The following DMD variants were observed in gnomAD, a reference collection of about 807,000 sequenced individuals.
DMD encodes the protein mutant dystrophin.
Under a neutral mutation model 330.1 loss-of-function variants are expected in DMD, and 63 were observed. The ratio of observed to expected loss-of-function variants is 0.19; its 90% CI spans 0.16 to 0.24. DMD has a LOEUF of 0.24. Among genes scored for constraint, DMD ranks in the 10% least tolerant of loss-of-function variants. The pLI is 1.00. For synonymous variants in DMD, 1,223 were observed against 959.8 expected (o/e 1.27, Z -5.07); for missense variants, 3,344 against 2,684.1 (o/e 1.25, Z -5.43).
intron 2 of DMD, among the ~76,000 whole-genome samples, chrX:32,893,081 G>A (rs779197315): frequency 8.0e-5 from 9 of 112,221 alleles, no homozygotes; most frequent in Non-Finnish European, 1.3e-4. Flanking sequence ...ATCCCATGAC[G>A]TGATAGATCA....
chrX:31,700,234 T>G (rs1429450232), intron 52 of DMD, among the ~76,000 whole-genome samples: 1 of 111,726 alleles, frequency 9.0e-6, no homozygotes, highest in Non-Finnish European at 1.9e-5. Flanking sequence ...AGTGTATTAT[T>G]TAAGCAGTTT....
intron 4 of DMD, among the ~76,000 whole-genome samples, chrX:32,842,955 C>T (rs772310031): frequency 9.0e-5 from 10 of 111,046 alleles, no homozygotes; most frequent in South Asian, 7.7e-4. Flanking sequence ...TACAGGCATG[C>T]ACCAGCATAC....
At chrX:32,838,612 G>A (rs1255758442) in intron 4 of DMD, among the ~76,000 whole-genome samples, 4 of 111,815 alleles carry the variant, frequency 3.6e-5, no homozygotes, top group Non-Finnish European at 5.6e-5. Context: ...ATTCCATGGT[G>A]TATATGTACC....
intron 72 of DMD, among the ~76,000 whole-genome samples, chrX:31,173,185 C>T (rs1023304608): frequency 3.6e-5 from 4 of 111,259 alleles, no homozygotes; most frequent in African/African-American, 1.3e-4. Flanking sequence ...TCATATTCTC[C>T]ATATAATATA....
At chrX:33,080,744 T>G (rs1401392497) in intron 1 of DMD, among the ~76,000 whole-genome samples, 1 of 111,091 alleles carries the variant, frequency 9.0e-6, no homozygotes, top group African/African-American at 3.3e-5. Context: ...AGGAAACAGT[T>G]TGACCTTAAA....
chrX:32,561,402 T>A (rs977000110), intron 16 of DMD, among the ~76,000 whole-genome samples: 1 of 111,183 alleles, frequency 9.0e-6, no homozygotes, highest in Non-Finnish European at 1.9e-5. Context: ...GAGGAAAGAA[T>A]CTCAGAGCTT....
chrX:31,170,258 C>T (rs1006425459), intron 73 of DMD, among the ~76,000 whole-genome samples: 3 of 111,302 alleles, frequency 2.7e-5, no homozygotes, highest in Non-Finnish European at 3.8e-5. Flanking sequence ...TCTCATTCCT[C>T]GGGGCAGAGT....
At position 32,942,974 on chromosome X, in the gene DMD, A is replaced by G. The variant is rs72626062; in HGVS notation, c.93+77165T>C. Among the ~76,000 whole-genome samples the G allele has an allele frequency of 0.01, 1,144 of 111,925 alleles. 50 individuals are homozygous for G. The East Asian group carries it at 0.17, about 17-fold the overall frequency. ...TTAACATTTAAGGTCTTCATGTAAA[A>G]GAAAAATTAGTTAATAGAACAAATA... On this transcript the variant is annotated intron_variant, in intron 2 of 78. Transcript: ENST00000357033.
At chrX:31,303,262 AC>A (rs2054789480) in intron 62 of DMD, among the ~76,000 whole-genome samples, 1 of 111,814 alleles carries the variant, frequency 8.9e-6, no homozygotes, top group African/African-American at 3.2e-5. Context: ...CTAGCTATAT[AC>A]AAGTAATATG....
rs1303018572 is a variant in DMD at position 32,810,732 on chromosome X, A to G, written c.531-1121T>C. On this transcript the variant is annotated intron_variant, in intron 6 of 78. Coordinates refer to ENST00000357033, the MANE Select transcript of DMD (RefSeq NM_004006.3). ...GCCTGCGTTAATTAGTGCATAGCAG[A>G]GTTGCCAGAGTGATCTGTTAACATG... Among the ~76,000 whole-genome samples the G allele has an allele frequency of 2.7e-5, 3 of 111,614 alleles. No individual in the cohort carries two copies. The Admixed American group carries it at 2.9e-4, about 11-fold the overall frequency.
rs762649672 is a variant in DMD, at chrX:32,130,706, C to G, written c.6438+86210G>C. Reference sequence around the variant, plus strand: ...ATTGCACGCTTTTTGTTTCCTTTGTCTGGAACATATTCTTTAGGTATCTGC... The same window carrying G: ...ATTGCACGCTTTTTGTTTCCTTTGTGTGGAACATATTCTTTAGGTATCTGC... On this transcript the variant is annotated intron_variant, in intron 44 of 78. Transcript: ENST00000357033. 2.5e-3 allele frequency among the ~76,000 whole-genome samples: 282 copies of G among 111,260 alleles called. 1 individual carries two copies. Among genetic ancestry groups the G allele is most frequent in the African/African-American group, 8.9e-3 (272 of 30,676 alleles).
At chrX:32,559,256 T>A (rs2050726255) in intron 16 of DMD, among the ~76,000 whole-genome samples, 1 of 111,159 alleles carries the variant, frequency 9.0e-6, no homozygotes, top group African/African-American at 3.3e-5. Context: ...CTCGGTCAAC[T>A]TCAAATTTTT....
intron 63 of DMD, among the ~76,000 whole-genome samples, chrX:31,246,023 T>C (rs2048801159): frequency 8.9e-6 from 1 of 112,317 alleles, no homozygotes; most frequent in South Asian, 3.7e-4. Flanking sequence ...GCTAGGCCTC[T>C]CATGCCAAAC....
intron 1 of DMD, among the ~76,000 whole-genome samples, chrX:33,296,247 G>A (rs1415893143): frequency 9.0e-6 from 1 of 110,793 alleles, no homozygotes; most frequent in Non-Finnish European, 1.9e-5. Context: ...TTGTGGTGAT[G>A]TCTCCCACAT....
In DMD at chrX:31,225,995, G is replaced by A. The variant is rs181360507; in HGVS notation, c.9287-2874C>T. Among the ~76,000 whole-genome samples, 367 of 112,132 alleles carry A rather than the reference G, an allele frequency of 3.3e-3. 1 individual carries two copies. Among genetic ancestry groups the A allele is most frequent in the African/African-American group, 0.011 (350 of 30,887 alleles). The stretch of plus-strand genomic sequence containing the variant: ...CCTGGCAGCCGAGAGGTAGTTAAGA[G>A]GGCAGTCCTCAACTACATCTAACCA... On this transcript the variant is annotated intron_variant, in intron 63 of 78. Coordinates refer to ENST00000357033, the MANE Select transcript of DMD (RefSeq NM_004006.3).
chrX:31,364,529 T>C (rs2059127680), intron 60 of DMD, among the ~76,000 whole-genome samples: 1 of 112,194 alleles, frequency 8.9e-6, no homozygotes, highest in African/African-American at 3.2e-5. Context: ...TCCAGCCTAA[T>C]ATACTTTATA....
At chrX:31,510,221 A>G (rs2071353441) in intron 55 of DMD, among the ~76,000 whole-genome samples, 1 of 111,687 alleles carries the variant, frequency 9.0e-6, no homozygotes, top group African/African-American at 3.3e-5. Flanking sequence ...TCGGATGTTT[A>G]ACTGACTTGC....
intron 74 of DMD, among the ~76,000 whole-genome samples, chrX:31,155,535 T>C (rs1469310489): frequency 1.8e-5 from 2 of 112,235 alleles, no homozygotes; most frequent in African/African-American, 3.2e-5. Flanking sequence ...CTAAATCATA[T>C]CCACCAATCT....
chrX:31,711,754 A>G (rs2084655268), intron 52 of DMD, among the ~76,000 whole-genome samples: 1 of 111,372 alleles, frequency 9.0e-6, no homozygotes, highest in Non-Finnish European at 1.9e-5. Context: ...ATATCACAAT[A>G]CACAGTTTAG....
Sources: allele counts gnomAD v4.1 joint callset (sites outside exome capture counted in the v4.1 genomes callset), GRCh38; gene constraint gnomAD v4.1.1; transcripts MANE v1.5; gene names NCBI Gene and HGNC (gene_info 2026-07-23, HGNC 2026-07-21).